Variants in ST3GAL1 observed in about 807,000 individuals in gnomAD.
ST3GAL1 encodes the protein CMP-N-acetylneuraminate-beta-galactosamide-alpha-2,3-sialyltransferase 1.
A neutral mutation model predicts 34.1 loss-of-function variants in ST3GAL1; 16 were observed. That is an observed-to-expected ratio of 0.47 (90% CI 0.32 to 0.71). The LOEUF is 0.71. Ranked by LOEUF, ST3GAL1 falls within the 30% of genes least tolerant of loss-of-function variation. ST3GAL1 has a pLI of 0.04. For missense variants in ST3GAL1, 353 were observed against 447.4 expected (o/e 0.79, Z 1.90); for synonymous variants, 191 against 184.7 (o/e 1.03, Z -0.28).
At chr8:133,488,298 A>T (rs1816677077) in intron 3 of ST3GAL1, 1 of 152,248 alleles carries the variant, frequency 6.6e-6, no homozygotes, top group African/African-American at 2.4e-5. Flanking sequence ...TAGTTTGGTC[A>T]GACACTCGTC....
In ST3GAL1 at chr8:133,457,589, A is replaced by G. The variant is rs564904353; in HGVS notation, c.*2175T>C. 2 of 152,224 alleles carry G rather than the reference A, an allele frequency of 1.3e-5. No homozygotes were observed. The highest frequency in any genetic ancestry group is 4.8e-5 in the African/African-American group (2 of 41,458). 9.4% of individuals were successfully genotyped at this position (152,224 alleles called of 1,614,324 possible). ...TTTCTCAGAAAAAAGAAAAGTCTTT[A>G]AAGTTTTGGAGGATTTTAAAGCTGA... On this transcript the variant is annotated 3_prime_UTR_variant, in exon 10 of 10. Transcript: ENST00000522652.
At chr8:133,470,581 G>A (rs1453295637) in intron 5 of ST3GAL1, among the ~76,000 whole-genome samples, 1 of 152,200 alleles carries the variant, frequency 6.6e-6, no homozygotes, top group Admixed American at 6.5e-5. Flanking sequence ...CTGCCGCCTG[G>A]TGGCCTGAGC....
At chr8:133,505,125 A>G (rs540875878) in intron 2 of ST3GAL1, among the ~76,000 whole-genome samples, 1 of 152,324 alleles carries the variant, frequency 6.6e-6, no homozygotes, top group African/African-American at 2.4e-5. Context: ...CATGGTTGAC[A>G]GACAATTCTT....
At chr8:133,494,800 A>G (rs1816892804) in intron 3 of ST3GAL1, among the ~76,000 whole-genome samples, 1 of 152,014 alleles carries the variant, frequency 6.6e-6, no homozygotes. Context: ...CTCTTCCCAC[A>G]GGTAGTAAGG....
chr8:133,465,923 A>C lies in ST3GAL1; in HGVS notation c.474T>G (p.Pro158=), dbSNP rs755501347. ...SGNLRESSYG[P]EIDSHDFVLR... ...GGACAAAGTCGTGACTGTCTATCTCAGGCCCATAAGAAGACTCCCTCAGGT... is the reference window on the plus strand; with the variant it reads ...GGACAAAGTCGTGACTGTCTATCTCCGGCCCATAAGAAGACTCCCTCAGGT... The change falls in exon 6 of 10, where the codon CCT becomes CCG. Residue 158 remains proline, a synonymous_variant. Coordinates refer to ENST00000522652, the MANE Select transcript of ST3GAL1 (RefSeq NM_173344.3). The C allele has an allele frequency of 6.2e-7, 1 of 1,614,100 alleles. No individual in the cohort carries two copies. The highest frequency in any genetic ancestry group is 8.5e-7 in the Non-Finnish European group (1 of 1,179,972).
In ST3GAL1 at chr8:133,556,850, T is replaced by C. The variant is rs1374305248; in HGVS notation, c.-581-10924A>G. ...CATTTTGTTCTTTTGGCCTCTTAGA[T>C]GATAAAACTAAGTGGAGGGAAGTGG... On this transcript the variant is annotated intron_variant, in intron 1 of 9. Transcript: ENST00000522652. The surrounding 1 kb of genome is among the most constrained non-coding windows in gnomAD (Gnocchi z 8.9). Among the ~76,000 whole-genome samples the C allele has an allele frequency of 6.6e-6, 1 of 152,102 alleles. No individual in the cohort carries two copies. Among genetic ancestry groups the C allele is most frequent in the Non-Finnish European group, 1.5e-5 (1 of 68,030 alleles).
chr8:133,570,872 C>A lies in ST3GAL1; in HGVS notation c.-582+821G>T, dbSNP rs1429513403. ...AGGTCACACACACGAGAGACACAGG[C>A]AAGTTGCTAACTTTTGTCAGATTAT... On this transcript the variant is annotated intron_variant, in intron 1 of 9. Coordinates refer to ENST00000522652, the MANE Select transcript of ST3GAL1 (RefSeq NM_173344.3). This position sits in a 1 kb window ranked among gnomAD's most constrained non-coding sequence, Gnocchi z 5.6. 6.6e-6 allele frequency among the ~76,000 whole-genome samples: 1 copy of A among 152,242 alleles called. No individual in the cohort carries two copies. The highest frequency in any genetic ancestry group is 2.4e-5 in the African/African-American group (1 of 41,470).
At chr8:133,463,084 C>T (rs563824908) in intron 8 of ST3GAL1, among the ~76,000 whole-genome samples, 19 of 152,250 alleles carry the variant, frequency 1.2e-4, no homozygotes, top group Non-Finnish European at 2.5e-4. Flanking sequence ...GAGTAATTCA[C>T]AAACCGCAGC....
intron 1 of ST3GAL1, among the ~76,000 whole-genome samples, chr8:133,564,216 T>A (rs768316479): frequency 6.6e-6 from 1 of 152,206 alleles, no homozygotes. Flanking sequence ...GGTATGATCA[T>A]GAAGTTCTCT....
At chr8:133,560,932 A>G (rs1172669249) in intron 1 of ST3GAL1, among the ~76,000 whole-genome samples, 2 of 152,142 alleles carry the variant, frequency 1.3e-5, no homozygotes, top group Non-Finnish European at 1.5e-5. Flanking sequence ...CTAGGCTCCC[A>G]TAGTAAACGA....
chr8:133,496,091 G>A (rs1816937895), intron 3 of ST3GAL1, among the ~76,000 whole-genome samples: 1 of 152,302 alleles, frequency 6.6e-6, no homozygotes, highest in Non-Finnish European at 1.5e-5. Context: ...TCCTTGGAGG[G>A]AGGCTACAGG....
At chr8:133,531,814 GAAAAAAA>G (rs55909710) in intron 2 of ST3GAL1, among the ~76,000 whole-genome samples, 9 of 99,860 alleles carry the variant, frequency 9.0e-5, no homozygotes, top group African/African-American at 1.0e-4. Context: ...CTTAAAAACA[GAAAAAAA>G]AAAAAAAAAA....
intron 1 of ST3GAL1, among the ~76,000 whole-genome samples, chr8:133,547,106 TGCAC>T (rs2131077474): frequency 6.6e-6 from 1 of 152,226 alleles, no homozygotes; most frequent in African/African-American, 2.4e-5. Flanking sequence ...TCAGGCCACC[TGCAC>T]GCACACTCTG....
intron 2 of ST3GAL1, among the ~76,000 whole-genome samples, chr8:133,539,057 G>A (rs760458623): frequency 6.6e-6 from 1 of 152,186 alleles, no homozygotes; most frequent in Non-Finnish European, 1.5e-5. Context: ...GCCACAGCCA[G>A]CCCTGCGAGA....
At chr8:133,504,438 C>A (rs1406248631) in intron 2 of ST3GAL1, among the ~76,000 whole-genome samples, 2 of 152,224 alleles carry the variant, frequency 1.3e-5, no homozygotes, top group African/African-American at 4.8e-5. Context: ...CAAAACATCT[C>A]CCGTTTCTGG....
Position 133,567,735 on chromosome 8 carries a change from G to A in ST3GAL1, c.-582+3958C>T, listed in dbSNP as rs1586676520. Among the ~76,000 whole-genome samples, 3 of 152,294 alleles carry A rather than the reference G, an allele frequency of 2.0e-5. No individual in the cohort carries two copies. The East Asian group carries it at 5.8e-4, about 29-fold the overall frequency. On this transcript the variant is annotated intron_variant, in intron 1 of 9. Coordinates refer to ENST00000522652, the MANE Select transcript of ST3GAL1 (RefSeq NM_173344.3). ...GAATGGTCCTGGCCACTCTTTGAGA[G>A]GGGAGATGCCCTTGGCATGGGGTAG...
chr8:133,549,927 G>A (rs146198160), intron 1 of ST3GAL1, among the ~76,000 whole-genome samples: 9 of 152,220 alleles, frequency 5.9e-5, no homozygotes, highest in Admixed American at 6.5e-5. Flanking sequence ...GTACCATTGC[G>A]CTCCAGCTTG....
intron 2 of ST3GAL1, among the ~76,000 whole-genome samples, chr8:133,543,854 A>G (rs1415645536): frequency 6.6e-6 from 1 of 152,206 alleles, no homozygotes; most frequent in Admixed American, 6.5e-5. Context: ...AGAAAGAACT[A>G]AAAATTTAAT....
chr8:133,487,293 G>GTATATATA (rs34125913), intron 3 of ST3GAL1, among the ~76,000 whole-genome samples: 12 of 150,376 alleles, frequency 8.0e-5, no homozygotes, highest in African/African-American at 2.4e-4. Context: ...AATACTATTG[G>GTATATATA]TATATATATA....
Sources: allele counts gnomAD v4.1 joint callset (sites outside exome capture counted in the v4.1 genomes callset), GRCh38; gene constraint gnomAD v4.1.1; non-coding constraint Gnocchi (gnomAD v3.1); transcripts MANE v1.5; gene names NCBI Gene and HGNC (gene_info 2026-07-23, HGNC 2026-07-21).